The following OTULINL variants were observed in gnomAD, a reference collection of about 807,000 sequenced individuals.
OTULINL encodes OTU deubiquitinase with linear linkage specificity like, also known as inactive ubiquitin thioesterase OTULINL.
OTULINL carries 42 observed loss-of-function variants against 43.9 expected under a neutral mutation model. The ratio of observed to expected loss-of-function variants is 0.96; its 90% confidence interval spans 0.75 to 1.24. The LOEUF is 1.24. Among genes scored for constraint, OTULINL ranks in the 50% most tolerant of loss-of-function variants. The pLI is 0.00. For synonymous variants in OTULINL, 172 were observed against 153.6 expected (o/e 1.12, Z -0.88); for missense variants, 411 against 426.4 (o/e 0.96, Z 0.32).
chr5:14,605,257 TA>T (rs1759454421), intron 5 of OTULINL, among the ~76,000 whole-genome samples: 2 of 152,194 alleles, frequency 1.3e-5, no homozygotes, highest in Non-Finnish European at 2.9e-5. Context: ...TGGCCCTAGC[TA>T]TACCTTGCTT....
intron 5 of OTULINL, among the ~76,000 whole-genome samples, chr5:14,605,413 C>T (rs531668585): frequency 4.5e-4 from 66 of 146,552 alleles, no homozygotes; most frequent in Non-Finnish European, 7.2e-4. Context: ...GGTGGGGGGG[C>T]GTGGTGCGGG....
chr5:14,593,101 A>G (rs796603534), intron 1 of OTULINL, among the ~76,000 whole-genome samples: 8 of 152,280 alleles, frequency 5.3e-5, no homozygotes, highest in African/African-American at 1.9e-4. Flanking sequence ...TGCATTTATA[A>G]TTGTAGCATC....
chr5:14,607,754 A>C (rs1381520783), intron 6 of OTULINL, among the ~76,000 whole-genome samples: 1 of 152,206 alleles, frequency 6.6e-6, no homozygotes, highest in Non-Finnish European at 1.5e-5. Flanking sequence ...ATGTGGTGCA[A>C]GTCCAGGCAA....
At chr5:14,596,172 C>T (rs1440071324) in intron 1 of OTULINL, among the ~76,000 whole-genome samples, 1 of 152,136 alleles carries the variant, frequency 6.6e-6, no homozygotes, top group Non-Finnish European at 1.5e-5. Flanking sequence ...AACTTGTCCC[C>T]TCCCAACACA....
chr5:14,581,989 G>A (rs368129063), intron 1 of OTULINL, 31 bp downstream of exon 1: 5 of 1,251,614 alleles, frequency 4.0e-6, no homozygotes, highest in Non-Finnish European at 4.0e-6. Context: ...GGCGGGGCGG[G>A]GGGCGCGAGC....
Position 14,601,346 on chromosome 5 carries a change from TC to T in OTULINL, c.257-3del. The T allele has an allele frequency of 1.2e-6, 2 of 1,613,952 alleles. No individual in the cohort carries two copies. Among genetic ancestry groups the T allele is most frequent in the Non-Finnish European group, 1.7e-6 (2 of 1,179,928 alleles). On this transcript the variant is annotated splice_polypyrimidine_tract_variant and splice_region_variant and intron_variant, in intron 3 of 7. Transcript: ENST00000274217. ...TAACAGCTTTTTATTTTTTATTTGG[TC>T]CAGGGAACCTCAGTGTGGAGGCAGA...
rs1385361884 is a variant in OTULINL at position 14,612,539 on chromosome 5, A to G, written c.*2225A>G. On this transcript the variant is annotated 3_prime_UTR_variant, in exon 8 of 8. Coordinates refer to ENST00000274217, the MANE Select transcript of OTULINL (RefSeq NM_019018.3). Reference sequence around the variant, plus strand: ...TAGATAGTTGCTATATTTTGGGAAGATGTCAAAACAGGTTTTTAGGGAGGA... The same window carrying G: ...TAGATAGTTGCTATATTTTGGGAAGGTGTCAAAACAGGTTTTTAGGGAGGA... 6.6e-6 allele frequency: 1 copy of G among 152,210 alleles called. No homozygotes were observed. The highest frequency in any genetic ancestry group is 1.5e-5 in the Non-Finnish European group (1 of 68,022). 9.4% of individuals were successfully genotyped at this position (152,210 alleles called of 1,614,324 possible).
At chr5:14,606,243 A>G (rs938694066) in intron 5 of OTULINL, among the ~76,000 whole-genome samples, 3 of 152,144 alleles carry the variant, frequency 2.0e-5, no homozygotes, top group African/African-American at 7.2e-5. Context: ...TCTTTTTAAA[A>G]CCATCAGATC....
intron 5 of OTULINL, 146 bp downstream of exon 5, chr5:14,602,478 C>G: frequency 2.9e-6 from 2 of 689,926 alleles, no homozygotes; most frequent in South Asian, 2.0e-5. Context: ...CACTGTCACC[C>G]AGGATTGAGT....
At chr5:14,589,974 T>A (rs1010034329) in intron 1 of OTULINL, among the ~76,000 whole-genome samples, 2 of 152,174 alleles carry the variant, frequency 1.3e-5, no homozygotes, top group Non-Finnish European at 2.9e-5. Context: ...AAAAGTTCCT[T>A]TTTAGATAGG....
intron 1 of OTULINL, among the ~76,000 whole-genome samples, chr5:14,585,712 A>G (rs141408298): frequency 2.2e-3 from 335 of 152,060 alleles, no homozygotes; most frequent in Non-Finnish European, 3.4e-3. Context: ...TACAATCACC[A>G]CTCTGTGACG....
In OTULINL at chr5:14,601,441, A is replaced by G; in HGVS notation, c.347A>G (p.Lys116Arg). ...ACACCCCGTAACAAGCTGATGAGGA[A>G]GGTGTGTCTGTTTTTAGAGGGTATG... ...GETPRNKLMR[K>R]AYEELFWRHH... is the part of the protein sequence containing the mutation. The change falls in exon 4 of 8, where the codon AAG (lysine) becomes AGG (arginine). Residue 116 changes from lysine to arginine, a missense_variant and splice_region_variant. Transcript: ENST00000274217. The G allele has an allele frequency of 1.2e-6, 2 of 1,613,034 alleles. No individual in the cohort carries two copies. Among genetic ancestry groups the G allele is most frequent in the Non-Finnish European group, 8.5e-7 (1 of 1,179,180 alleles).
rs1759617339 is a variant in OTULINL at position 14,613,495 on chromosome 5, C to T, written c.*3181C>T. Among the ~76,000 whole-genome samples the T allele has an allele frequency of 6.6e-6, 1 of 152,048 alleles. No individual in the cohort carries two copies. Among genetic ancestry groups the T allele is most frequent in the Admixed American group, 6.6e-5 (1 of 15,266 alleles). On this transcript the variant is annotated 3_prime_UTR_variant, in exon 8 of 8. Transcript: ENST00000274217. The stretch of plus-strand genomic sequence containing the variant: ...AGTTAGGTACAACCTAGGAGGGAGT[C>T]AGGAGGAGAGAGTTAGGTTAGTTAG...
At position 14,614,461 on chromosome 5, in the gene OTULINL, A is replaced by G. The variant is rs1560971389; in HGVS notation, c.*4147A>G. On this transcript the variant is annotated 3_prime_UTR_variant, in exon 8 of 8. Coordinates refer to ENST00000274217, the MANE Select transcript of OTULINL (RefSeq NM_019018.3). ...GGGTCCAAATTGTTCAATCACTTCT[A>G]TGTTATTTGTTCAGAATAGTGGATC... 24 of 397,154 alleles carry G rather than the reference A, an allele frequency of 6.0e-5. 1 individual carries two copies. In the South Asian group the frequency reaches 2.3e-3, roughly 38 times the overall value. The allele number at this position is 397,154 out of a possible 1,614,324, so 24.6% of individuals were successfully genotyped here.
At chr5:14,582,723 G>C (rs1363400067) in intron 1 of OTULINL, among the ~76,000 whole-genome samples, 1 of 148,116 alleles carries the variant, frequency 6.8e-6, no homozygotes, top group Admixed American at 6.9e-5. Context: ...GCTGAGGCCG[G>C]AGAATTGCTT....
intron 1 of OTULINL, among the ~76,000 whole-genome samples, chr5:14,597,163 C>G (rs1392024102): frequency 2.0e-5 from 3 of 152,104 alleles, no homozygotes; most frequent in Non-Finnish European, 4.4e-5. Context: ...ACAATAAAAA[C>G]AATAATTCGT....
Position 14,607,478 on chromosome 5 carries a change from A to T in OTULINL, c.627+20A>T. 6.2e-7 allele frequency: 1 copy of T among 1,612,724 alleles called. No homozygotes were observed. Among genetic ancestry groups the T allele is most frequent in the East Asian group, 2.2e-5 (1 of 44,848 alleles). ...ACACAGGTAAGTGTTTGCGGGGGAAATAAAAAGACTAGGAATAAAAGCACA... is the reference window on the plus strand; with the variant it reads ...ACACAGGTAAGTGTTTGCGGGGGAATTAAAAAGACTAGGAATAAAAGCACA... On this transcript the variant is annotated intron_variant, in intron 6 of 7. Transcript: ENST00000274217.
rs1436965760 is a variant in OTULINL, at chr5:14,615,006, T to C, written c.*4692T>C. ...TGAATAAAGAAGTACATGTTTTAAGTATTTTCATCGTAGTCTAGATGGGCT... is the reference window on the plus strand; with the variant it reads ...TGAATAAAGAAGTACATGTTTTAAGCATTTTCATCGTAGTCTAGATGGGCT... On this transcript the variant is annotated 3_prime_UTR_variant, in exon 8 of 8. Transcript: ENST00000274217. 2 of 357,044 alleles carry C rather than the reference T, an allele frequency of 5.6e-6. No individual in the cohort carries two copies. The highest frequency in any genetic ancestry group is 4.2e-5 in the African/African-American group (2 of 47,778). The allele number at this position is 357,044 out of a possible 1,614,324, so 22.1% of individuals were successfully genotyped here.
At chr5:14,601,933 C>T (rs896984547) in intron 4 of OTULINL, among the ~76,000 whole-genome samples, 2 of 152,202 alleles carry the variant, frequency 1.3e-5, no homozygotes, top group Non-Finnish European at 2.9e-5. Flanking sequence ...GAGTTTTTCA[C>T]TGTGGTTAGG....
Sources: allele counts gnomAD v4.1 joint callset (sites outside exome capture counted in the v4.1 genomes callset), GRCh38; gene constraint gnomAD v4.1.1; transcripts MANE v1.5; gene names NCBI Gene and HGNC (gene_info 2026-07-23, HGNC 2026-07-21).